Variants in SLC4A5 observed in about 807,000 individuals in gnomAD.
The protein encoded by SLC4A5 is solute carrier family 4 member 5, also known as electrogenic sodium bicarbonate cotransporter 4.
A neutral mutation model predicts 120.4 loss-of-function variants in SLC4A5; 96 were observed. The ratio of observed to expected loss-of-function variants is 0.80; its 90% CI spans 0.68 to 0.94. SLC4A5 has a LOEUF of 0.94. Among genes scored for constraint, SLC4A5 ranks in the 40% least tolerant of loss-of-function variants. SLC4A5 has a pLI of 0.00. For missense variants in SLC4A5, 1,259 were observed against 1,459.5 expected (o/e 0.86, Z 2.24); for synonymous variants, 550 against 571.1 (o/e 0.96, Z 0.53).
exon 31 of SLC4A5, chr2:74,216,448 G>A (rs1015547995): frequency 1.3e-5 from 2 of 152,184 alleles, no homozygotes; most frequent in African/African-American, 4.8e-5. Flanking sequence ...CAGCTTGTTT[G>A]ATTAATCAAG....
chr2:74,288,341 A>G (rs1672050982), intron 7 of SLC4A5, among the ~76,000 whole-genome samples: 2 of 151,996 alleles, frequency 1.3e-5, no homozygotes, highest in African/African-American at 4.8e-5. Flanking sequence ...CATGCACCCA[A>G]ATTCACAACC....
intron 2 of SLC4A5, among the ~76,000 whole-genome samples, chr2:74,341,920 G>A (rs1215590366): frequency 6.6e-6 from 1 of 152,200 alleles, no homozygotes; most frequent in Non-Finnish European, 1.5e-5. Context: ...AGGGAGCATT[G>A]CAATGACCTA....
chr2:74,305,358 T>G (rs1167778862), intron 6 of SLC4A5, among the ~76,000 whole-genome samples: 1 of 152,142 alleles, frequency 6.6e-6, no homozygotes, highest in African/African-American at 2.4e-5. Context: ...TTAAAATAAT[T>G]AATAGATTTT....
chr2:74,282,518 C>T (rs1326634607), intron 8 of SLC4A5, among the ~76,000 whole-genome samples: 1 of 152,252 alleles, frequency 6.6e-6, no homozygotes, highest in East Asian at 1.9e-4. Context: ...GCAGGGAAAC[C>T]TACCACTTTG....
intron 5 of SLC4A5, among the ~76,000 whole-genome samples, chr2:74,315,465 A>T (rs1188512871): frequency 1.4e-5 from 2 of 145,042 alleles, no homozygotes; most frequent in Non-Finnish European, 3.0e-5. Context: ...AAAAAAAAAA[A>T]GGACATATAA....
chr2:74,230,731 G>A (rs1002861122), intron 25 of SLC4A5, among the ~76,000 whole-genome samples: 1 of 152,214 alleles, frequency 6.6e-6, no homozygotes, highest in Non-Finnish European at 1.5e-5. Flanking sequence ...AAAAACTGCA[G>A]TATCACAGAA....
chr2:74,249,013 A>G (rs1393495209), intron 17 of SLC4A5, among the ~76,000 whole-genome samples: 1 of 152,214 alleles, frequency 6.6e-6, no homozygotes, highest in Non-Finnish European at 1.5e-5. Context: ...CCTCGGCACA[A>G]TGGACATTTT....
chr2:74,313,564 G>T (rs1167672530), intron 6 of SLC4A5, among the ~76,000 whole-genome samples: 1 of 152,166 alleles, frequency 6.6e-6, no homozygotes, highest in African/African-American at 2.4e-5. Context: ...TTCTCTCCTG[G>T]ATGTAACAGG....
chr2:74,241,512 C>T (rs897476257), intron 20 of SLC4A5, among the ~76,000 whole-genome samples: 9 of 151,568 alleles, frequency 5.9e-5, no homozygotes, highest in Admixed American at 3.9e-4. Context: ...AGGCCGAGGC[C>T]GGCAGATCAC....
At chr2:74,252,943 T>G (rs1670838681) in intron 15 of SLC4A5, 31 bp downstream of exon 15, 14 of 1,613,134 alleles carry the variant, frequency 8.7e-6, no homozygotes, top group Non-Finnish European at 1.2e-5. Context: ...AGCCTCCTTT[T>G]TCTCTCCCTA....
Position 74,241,428 on chromosome 2 carries a change from G to A in SLC4A5, c.2118+566C>T, listed in dbSNP as rs574836753. Among the ~76,000 whole-genome samples, 21 of 151,668 alleles carry A rather than the reference G, an allele frequency of 1.4e-4. No individual in the cohort carries two copies. In the South Asian group the frequency reaches 4.0e-3, roughly 29 times the overall value. On this transcript the variant is annotated intron_variant, in intron 20 of 30. Coordinates refer to ENST00000394019, the Ensembl canonical transcript of SLC4A5. Reference sequence around the variant, plus strand: ...TTACAGGTGTGTACCACTACACCCAGCTCGTATCATATTATTAATACACAT... The same window carrying A: ...TTACAGGTGTGTACCACTACACCCAACTCGTATCATATTATTAATACACAT...
intron 27 of SLC4A5, among the ~76,000 whole-genome samples, chr2:74,226,004 T>C (rs1410721783): frequency 2.0e-5 from 3 of 152,200 alleles, no homozygotes; most frequent in African/African-American, 7.2e-5. Flanking sequence ...TGCCTTTCCC[T>C]TCGCCAGCTC....
intron 8 of SLC4A5, among the ~76,000 whole-genome samples, chr2:74,284,173 T>C (rs1317070992): frequency 6.0e-5 from 4 of 66,890 alleles, no homozygotes; most frequent in African/African-American, 4.6e-4. Flanking sequence ...TTTTTTTTTT[T>C]TTTTTTTTTT....
intron 8 of SLC4A5, among the ~76,000 whole-genome samples, chr2:74,272,229 C>T (rs972537993): frequency 3.3e-5 from 5 of 152,128 alleles, no homozygotes; most frequent in Non-Finnish European, 5.9e-5. Flanking sequence ...ACAAGAATTG[C>T]TATGAGTTAG....
At chr2:74,280,775 C>G (rs1443289305) in intron 8 of SLC4A5, among the ~76,000 whole-genome samples, 1 of 152,046 alleles carries the variant, frequency 6.6e-6, no homozygotes, top group Non-Finnish European at 1.5e-5. Context: ...ACCTCCGCCT[C>G]CCAGGTTCAA....
At chr2:74,264,263 A>G (rs751925809) in exon 10 of SLC4A5, 1 of 1,614,190 alleles carries the variant, frequency 6.2e-7, no homozygotes, top group Non-Finnish European at 8.5e-7. Flanking sequence ...CTCTGGCCGC[A>G]GGAGACCATC....
At chr2:74,246,393 G>A (rs1056382449) in intron 19 of SLC4A5, among the ~76,000 whole-genome samples, 3 of 152,222 alleles carry the variant, frequency 2.0e-5, no homozygotes, top group African/African-American at 7.2e-5. Flanking sequence ...TGGAGCTTCT[G>A]CTCCCTGTTC....
intron 6 of SLC4A5, 112 bp downstream of exon 6, chr2:74,314,832 CA>C: frequency 1.1e-6 from 1 of 947,668 alleles, no homozygotes; most frequent in Admixed American, 1.8e-5. Context: ...GTGGATGAGT[CA>C]GGAAAAGGGA....
In SLC4A5 at chr2:74,284,625, C is replaced by T. The variant is rs945994568; in HGVS notation, c.401+1148G>A. On this transcript the variant is annotated intron_variant, in intron 8 of 30. Transcript: ENST00000394019. Reference sequence around the variant, plus strand: ...AGTCTGTCTTCCTGTCCGAAGGTCCCTCCCGCTGCCTCTTACCATAGCCTT... The same window carrying T: ...AGTCTGTCTTCCTGTCCGAAGGTCCTTCCCGCTGCCTCTTACCATAGCCTT... Among the ~76,000 whole-genome samples, 6 of 152,072 alleles carry T rather than the reference C, an allele frequency of 3.9e-5. No homozygotes were observed. The South Asian group carries it at 6.2e-4, about 16-fold the overall frequency.
Sources: gnomAD v4.1 joint callset for allele counts (sites outside exome capture counted in the v4.1 genomes callset) on GRCh38, gnomAD v4.1.1 for gene constraint, MANE v1.5 for transcripts, NCBI Gene and HGNC (gene_info 2026-07-23, HGNC 2026-07-21) for gene names.